The following MS4A4E variants were observed in gnomAD, a reference collection of about 807,000 sequenced individuals.
MS4A4E encodes membrane spanning 4-domains A4E.
Under a neutral mutation model 13.3 loss-of-function variants are expected in MS4A4E, and 23 were observed. The ratio of observed to expected loss-of-function variants is 1.73; its 90% confidence interval spans 1.25 to 2.45. MS4A4E has a LOEUF of 2.45. Among genes scored for constraint, MS4A4E ranks in the 30% most tolerant of loss-of-function variants. The pLI is 0.00. For synonymous variants in MS4A4E, 36 were observed against 45.6 expected (o/e 0.79, Z 0.85); for missense variants, 144 against 131.2 (o/e 1.10, Z -0.48).
At chr11:60,215,125 T>G (rs2084175147) in intron 3 of MS4A4E, among the ~76,000 whole-genome samples, 1 of 152,092 alleles carries the variant, frequency 6.6e-6, no homozygotes. Flanking sequence ...TCAAGTTGGT[T>G]GGACTCTCTA....
intron 2 of MS4A4E, among the ~76,000 whole-genome samples, chr11:60,228,902 T>C (rs898032409): frequency 6.6e-6 from 1 of 152,234 alleles, no homozygotes; most frequent in Non-Finnish European, 1.5e-5. Context: ...ATGAAGACGA[T>C]AGAAGATTAG....
In MS4A4E at chr11:60,230,420, C is replaced by T. The variant is rs1029170507; in HGVS notation, c.-16-349G>A. 2.8e-4 allele frequency among the ~76,000 whole-genome samples: 43 copies of T among 152,280 alleles called. 1 individual carries two copies. In the Middle Eastern group the frequency reaches 0.014, roughly 48 times the overall value. On this transcript the variant is annotated intron_variant, in intron 1 of 8. Coordinates refer to ENST00000651255, the MANE Select transcript of MS4A4E (RefSeq NM_001393391.1). ...AGTCTCTTGATTACAGCCACTTCCC[C>T]ATGAAGGATTACTTTTATAATAGTA... is the stretch of plus-strand genomic sequence containing the variant.
intron 5 of MS4A4E, among the ~76,000 whole-genome samples, chr11:60,210,702 G>T (rs2084109682): frequency 6.6e-6 from 1 of 151,898 alleles, no homozygotes. Context: ...GTCTACCAGG[G>T]TGCCAACCCT....
At position 60,200,737 on chromosome 11, in the gene MS4A4E, A is replaced by G. The variant is rs987294047; in HGVS notation, c.*806T>C. 6.6e-6 allele frequency among the ~76,000 whole-genome samples: 1 copy of G among 151,976 alleles called. No individual in the cohort carries two copies. The highest frequency in any genetic ancestry group is 1.5e-5 in the Non-Finnish European group (1 of 67,914). On this transcript the variant is annotated 3_prime_UTR_variant, in exon 9 of 9. Coordinates refer to ENST00000651255, the MANE Select transcript of MS4A4E (RefSeq NM_001393391.1). ...CATCCGATTTCTCAATCTTTTCCCC[A>G]CCTTTCCCCCCTTTCTATTCCACAA...
At chr11:60,213,240 A>G in intron 4 of MS4A4E, 108 bp from the exon 5 acceptor site, 3 of 1,508,490 alleles carry the variant, frequency 2.0e-6, no homozygotes, top group Non-Finnish European at 2.7e-6. Flanking sequence ...ATAGTCTTCT[A>G]ACTTGTCTCC....
chr11:60,221,912 C>A (rs2084274700), intron 3 of MS4A4E, among the ~76,000 whole-genome samples: 1 of 152,186 alleles, frequency 6.6e-6, no homozygotes, highest in African/African-American at 2.4e-5. Flanking sequence ...CACCAGTCAG[C>A]CTCTTTCTCC....
At position 60,200,835 on chromosome 11, in the gene MS4A4E, C is replaced by A. The variant is rs1428943105; in HGVS notation, c.*708G>T. ...CTTCCCAGATGGGGTGGTGGCCGGG[C>A]AGAGGGGCTCCTCACTTCCCAGTAG... On this transcript the variant is annotated 3_prime_UTR_variant, in exon 9 of 9. Transcript: ENST00000651255. 6.6e-6 allele frequency among the ~76,000 whole-genome samples: 1 copy of A among 151,106 alleles called. No individual in the cohort carries two copies. Among genetic ancestry groups the A allele is most frequent in the Admixed American group, 6.6e-5 (1 of 15,240 alleles).
intron 5 of MS4A4E, among the ~76,000 whole-genome samples, chr11:60,211,174 A>G (rs187001883): frequency 1.7e-4 from 26 of 152,356 alleles, no homozygotes; most frequent in African/African-American, 6.0e-4. Context: ...ATAGCAAATA[A>G]GAGGGAAATT....
intron 3 of MS4A4E, among the ~76,000 whole-genome samples, chr11:60,226,458 C>A (rs1384409774): frequency 6.6e-6 from 1 of 151,984 alleles, no homozygotes; most frequent in Non-Finnish European, 1.5e-5. Flanking sequence ...GGGATTTATC[C>A]CAGATATGCA....
In MS4A4E at chr11:60,214,579, T is replaced by A; in HGVS notation, c.214A>T (p.Lys72Ter). The change falls in exon 4 of 9, where the codon AAA becomes TAA. Residue 72 changes from lysine to a stop codon, truncating the protein, a stop_gained. Transcript: ENST00000651255. LOFTEE classifies it high-confidence loss of function. Reference sequence around the variant, plus strand: ...CACAAAACATTACTCACCAGACCTTTTGTTGTTCTAATTCCTGCTGCAACT... The same window carrying A: ...CACAAAACATTACTCACCAGACCTTATGTTGTTCTAATTCCTGCTGCAACT... ...LSVAAGIRTTKGLVGGSLGKN... is the reference protein window; with the variant it reads ...LSVAAGIRTT 1 of 1,533,230 alleles carries A rather than the reference T, an allele frequency of 6.5e-7. No homozygotes were observed. The highest frequency in any genetic ancestry group is 8.7e-7 in the Non-Finnish European group (1 of 1,144,244). 95.0% of individuals were successfully genotyped at this position (1,533,230 alleles called of 1,614,324 possible). A position where few individuals can be genotyped will look rare whatever the true frequency, so the allele number is the denominator to read the frequency against.
chr11:60,227,399 AAGTT>A (rs1414226410), intron 3 of MS4A4E, among the ~76,000 whole-genome samples: 1 of 151,956 alleles, frequency 6.6e-6, no homozygotes, highest in Non-Finnish European at 1.5e-5. Context: ...AAAATACAAA[AAGTT>A]AGCCAGGCAT....
At chr11:60,217,834 C>T (rs1293790422) in intron 3 of MS4A4E, among the ~76,000 whole-genome samples, 1 of 152,066 alleles carries the variant, frequency 6.6e-6, no homozygotes, top group Non-Finnish European at 1.5e-5. Context: ...GTAATAATTG[C>T]ATTAACTGCA....
intron 5 of MS4A4E, among the ~76,000 whole-genome samples, 112 bp downstream of exon 5, chr11:60,212,862 A>G (rs1167842205): frequency 6.6e-6 from 1 of 152,192 alleles, no homozygotes; most frequent in Non-Finnish European, 1.5e-5. Context: ...ATCACTTACA[A>G]CTTCCAAAGT....
rs1443499955 is a variant in MS4A4E, at chr11:60,215,310, G to A, written c.179-696C>T. Among the ~76,000 whole-genome samples the A allele has an allele frequency of 2.7e-5, 4 of 150,736 alleles. No homozygotes were observed. The East Asian group carries it at 7.7e-4, about 29-fold the overall frequency. On this transcript the variant is annotated intron_variant, in intron 3 of 8. Coordinates refer to ENST00000651255, the MANE Select transcript of MS4A4E (RefSeq NM_001393391.1). Reference sequence around the variant, plus strand: ...ATTCATGTTATCTAAATCACCATTGGAAAAAAAATAACAGTAGAGCAAATC... The same window carrying A: ...ATTCATGTTATCTAAATCACCATTGAAAAAAAAATAACAGTAGAGCAAATC...
At chr11:60,213,219 A>G (rs766301119) in intron 4 of MS4A4E, 87 bp from the exon 5 acceptor site, 246 of 1,395,692 alleles carry the variant, frequency 1.8e-4, no homozygotes, top group Non-Finnish European at 2.4e-4. Flanking sequence ...GTCTACCTTT[A>G]TCTTATTTCA....
chr11:60,229,936 G>A lies in MS4A4E; in HGVS notation c.120C>T (p.Phe40=). The A allele has an allele frequency of 1.2e-6, 2 of 1,610,486 alleles. No homozygotes were observed. The highest frequency in any genetic ancestry group is 1.7e-6 in the Non-Finnish European group (2 of 1,178,166). Reference sequence around the variant, plus strand: ...CCCCAAGGACTTTGGGTTTCCTCTTGAAGAACTTCTCTTGCAATCCTTTAC... The same window carrying A: ...CCCCAAGGACTTTGGGTTTCCTCTTAAAGAACTTCTCTTGCAATCCTTTAC... The part of the protein sequence containing the change: ...YLCKGLQEKF[F]KRKPKVLGVL... The change falls in exon 2 of 9, where the codon TTC becomes TTT. Residue 40 remains phenylalanine (F), a synonymous_variant. Transcript: ENST00000651255.
chr11:60,214,061 C>T (rs1057081010), intron 4 of MS4A4E, among the ~76,000 whole-genome samples: 1 of 152,036 alleles, frequency 6.6e-6, no homozygotes, highest in Admixed American at 6.6e-5. Flanking sequence ...CCCGTCACCA[C>T]GCCTGGTAAT....
intron 4 of MS4A4E, 88 bp from the exon 5 acceptor site, chr11:60,213,220 T>C (rs962624111): frequency 2.1e-6 from 3 of 1,407,996 alleles, no homozygotes; most frequent in Non-Finnish European, 2.9e-6. Flanking sequence ...TCTACCTTTA[T>C]CTTATTTCAA....
chr11:60,229,877 C>T (rs965710474), intron 2 of MS4A4E, 35 bp downstream of exon 2: 2 of 1,563,458 alleles, frequency 1.3e-6, no homozygotes, highest in Non-Finnish European at 1.7e-6. Flanking sequence ...GTTTACAACA[C>T]TATTGGTCTT....
Sources: allele counts gnomAD v4.1 joint callset (sites outside exome capture counted in the v4.1 genomes callset), GRCh38; gene constraint gnomAD v4.1.1; transcripts MANE v1.5; gene names NCBI Gene and HGNC (gene_info 2026-07-23, HGNC 2026-07-21).